ADAMTS14: variants seen among roughly 807,000 people sequenced by gnomAD.
ADAMTS14 encodes the protein ADAM metallopeptidase with thrombospondin type 1 motif 14.
In ADAMTS14, 100 loss-of-function variants were observed where a neutral mutation model predicts 128.6. The observed-to-expected ratio is 0.78, with a 90% CI of 0.66 to 0.92. The LOEUF is 0.92. ADAMTS14 is among the 40% of genes least tolerant of loss of function. The pLI, the probability that ADAMTS14 is intolerant of heterozygous loss-of-function variation, is 0.00. For missense variants in ADAMTS14, 1,562 were observed against 1,658.6 expected, an observed-to-expected ratio of 0.94 and a Z score of 1.01; for synonymous variants, 665 against 653.8, an observed-to-expected ratio of 1.02 and a Z score of -0.26.
At position 70,725,547 on chromosome 10, in the gene ADAMTS14, G is replaced by A. The variant is rs528909920; in HGVS notation, c.871-3747G>A. Reference sequence around the variant, plus strand: ...CCCGCCCACTTTCTGGTTCATAGATGGTGACTTCTCACTGTGTCCTCACAT... The same window carrying A: ...CCCGCCCACTTTCTGGTTCATAGATAGTGACTTCTCACTGTGTCCTCACAT... On this transcript the variant is annotated intron_variant, in intron 4 of 21. Coordinates refer to ENST00000373207, the MANE Select transcript of ADAMTS14 (RefSeq NM_080722.4). 1.6e-4 allele frequency among the ~76,000 whole-genome samples: 24 copies of A among 152,320 alleles called. 1 individual carries two copies. The South Asian group carries it at 4.8e-3, about 30-fold the overall frequency.
At chr10:70,672,972 G>T in intron 1 of ADAMTS14, 88 bp downstream of exon 1, 1 of 1,347,556 alleles carries the variant, frequency 7.4e-7, no homozygotes, top group Non-Finnish European at 9.5e-7. Context: ...CACCCGGGCA[G>T]GGTTCCCGCG....
intron 2 of ADAMTS14, among the ~76,000 whole-genome samples, chr10:70,683,176 G>C (rs1839865179): frequency 1.3e-5 from 2 of 152,222 alleles, no homozygotes; most frequent in Non-Finnish European, 2.9e-5. Flanking sequence ...ACTCTCCGTG[G>C]GCCGAGTGGG....
Position 70,672,684 on chromosome 10 carries a change from G to T in ADAMTS14, c.-119G>T, listed in dbSNP as rs1430780407. 2.3e-5 allele frequency: 16 copies of T among 704,160 alleles called. No homozygotes were observed. Among genetic ancestry groups the T allele is most frequent in the Non-Finnish European group, 3.0e-5 (16 of 533,642 alleles). 43.6% of individuals were successfully genotyped at this position (704,160 alleles called of 1,614,324 possible). ...GCAGCTAGGCGGGGAGGCGGCTGAG[G>T]CGGCAGCGGCGGCAGCCAGCCGGTG... On this transcript the variant is annotated 5_prime_UTR_variant, in exon 1 of 22. Coordinates refer to ENST00000373207, the MANE Select transcript of ADAMTS14 (RefSeq NM_080722.4).
chr10:70,674,705 C>A lies in ADAMTS14; in HGVS notation c.232C>A (p.Arg78=). The change falls in exon 2 of 22, where the codon CGA becomes AGA. Residue 78 remains arginine (R), a synonymous_variant. Transcript: ENST00000373207. ...AGTGGACACGCCACCCACACTACCA[C>A]GACACTCCAGTCACCTCCGGGTGGC... ...MVVDTPPTLP[R]HSSHLRVARS... is the part of the protein sequence containing the mutation. The A allele has an allele frequency of 6.2e-7, 1 of 1,613,570 alleles. No individual in the cohort carries two copies.
chr10:70,745,993 A>G (rs1030414993), intron 15 of ADAMTS14, among the ~76,000 whole-genome samples: 14 of 152,318 alleles, frequency 9.2e-5, no homozygotes, highest in African/African-American at 3.1e-4. Flanking sequence ...CTAGCGTCCC[A>G]TTAGTCCAAA....
At chr10:70,720,715 G>A (rs996126812) in intron 4 of ADAMTS14, among the ~76,000 whole-genome samples, 7 of 152,294 alleles carry the variant, frequency 4.6e-5, no homozygotes, top group South Asian at 4.1e-4. Context: ...ATGCACATGC[G>A]TGCACACATA....
chr10:70,699,334 A>G (rs1253656340), intron 2 of ADAMTS14, among the ~76,000 whole-genome samples: 2 of 152,212 alleles, frequency 1.3e-5, no homozygotes, highest in African/African-American at 4.8e-5. Flanking sequence ...GATAATATAT[A>G]AAAATATGAG....
intron 4 of ADAMTS14, among the ~76,000 whole-genome samples, chr10:70,728,927 C>A (rs1841529735): frequency 6.6e-6 from 1 of 152,172 alleles, no homozygotes; most frequent in Non-Finnish European, 1.5e-5. Context: ...GGGCGAGTGG[C>A]CTGTGGTTCC....
Position 70,752,240 on chromosome 10 carries a change from A to G in ADAMTS14, c.2729+13A>G, listed in dbSNP as rs761709149. Reference sequence around the variant, plus strand: ...GCTCTCAGCCTGTGTGAGTGCTCCCAGGGAGGGACGGGGAGTCTGGTTCTA... The same window carrying G: ...GCTCTCAGCCTGTGTGAGTGCTCCCGGGGAGGGACGGGGAGTCTGGTTCTA... On this transcript the variant is annotated intron_variant, in intron 18 of 21. Coordinates refer to ENST00000373207, the MANE Select transcript of ADAMTS14 (RefSeq NM_080722.4). 1 of 1,612,946 alleles carries G rather than the reference A, an allele frequency of 6.2e-7. No homozygotes were observed. The highest frequency in any genetic ancestry group is 8.5e-7 in the Non-Finnish European group (1 of 1,179,596).
chr10:70,734,930 G>A (rs1841776472), intron 8 of ADAMTS14, among the ~76,000 whole-genome samples: 1 of 152,184 alleles, frequency 6.6e-6, no homozygotes, highest in Non-Finnish European at 1.5e-5. Flanking sequence ...TCCCAGTCTG[G>A]GTACCCTTGC....
In ADAMTS14 at chr10:70,708,656, A is replaced by G. The variant is rs751886539; in HGVS notation, c.748A>G (p.Lys250Glu). The change falls in exon 4 of 22, where the codon AAG (lysine) becomes GAG (glutamate). Residue 250 changes from lysine (K) to glutamate (E), a missense_variant. Coordinates refer to ENST00000373207, the MANE Select transcript of ADAMTS14 (RefSeq NM_080722.4). ...GGACCAGCTGGGCGACACAGAGCGG[A>G]AGCGGCGGCATGCCAAGCCAGGCAG... Reference protein sequence around the residue: ...VGDQLGDTERKRRHAKPGSYS... With the variant: ...VGDQLGDTERERRHAKPGSYS... The G allele has an allele frequency of 6.2e-7, 1 of 1,613,432 alleles. No homozygotes were observed. The highest frequency in any genetic ancestry group is 8.5e-7 in the Non-Finnish European group (1 of 1,179,804).
rs373985454 is a variant in ADAMTS14, at chr10:70,734,043, C to A, written c.1352+15C>A. The A allele has an allele frequency of 1.6e-5, 25 of 1,609,608 alleles. No homozygotes were observed. Among genetic ancestry groups the A allele is most frequent in the Non-Finnish European group, 1.9e-5 (22 of 1,179,166 alleles). On this transcript the variant is annotated intron_variant, in intron 8 of 21. Coordinates refer to ENST00000373207, the MANE Select transcript of ADAMTS14 (RefSeq NM_080722.4). Reference sequence around the variant, plus strand: ...CGCTACCTCCCGTAGGTCATTCCTGCCCTCAGAGCTGGGATAGGGGAGCAT... The same window carrying A: ...CGCTACCTCCCGTAGGTCATTCCTGACCTCAGAGCTGGGATAGGGGAGCAT...
At chr10:70,708,880 C>A in intron 4 of ADAMTS14, 102 bp downstream of exon 4, 1 of 965,456 alleles carries the variant, frequency 1.0e-6, no homozygotes, top group Non-Finnish European at 1.4e-6. Context: ...GTTTCTGGGG[C>A]CTGGTATTTT....
At chr10:70,758,705 G>C (rs1401661936) in intron 21 of ADAMTS14, among the ~76,000 whole-genome samples, 4 of 152,156 alleles carry the variant, frequency 2.6e-5, no homozygotes, top group African/African-American at 9.7e-5. Context: ...TTTCAGACAA[G>C]CAATTGTAGA....
chr10:70,692,271 G>A (rs1349715171), intron 2 of ADAMTS14, among the ~76,000 whole-genome samples: 1 of 152,180 alleles, frequency 6.6e-6, no homozygotes, highest in African/African-American at 2.4e-5. Flanking sequence ...GCCAGGCGGA[G>A]GAGGGAAGTA....
At chr10:70,693,917 G>A (rs1442577768) in intron 2 of ADAMTS14, among the ~76,000 whole-genome samples, 33 of 152,236 alleles carry the variant, frequency 2.2e-4, no homozygotes, top group Admixed American at 2.2e-3. Flanking sequence ...CTGGTATGGG[G>A]TGCCGTGCAG....
chr10:70,682,018 C>T (rs1348184410), intron 2 of ADAMTS14, among the ~76,000 whole-genome samples: 2 of 152,264 alleles, frequency 1.3e-5, no homozygotes, highest in East Asian at 3.8e-4. Flanking sequence ...TCAGCCCCTT[C>T]CCTTGGCTGT....
intron 3 of ADAMTS14, among the ~76,000 whole-genome samples, chr10:70,707,226 T>C (rs1412402718): frequency 6.6e-6 from 1 of 152,230 alleles, no homozygotes; most frequent in African/African-American, 2.4e-5. Context: ...CTTTATCACC[T>C]ACCCACCGTC....
At chr10:70,707,708 G>A (rs753011739) in intron 3 of ADAMTS14, among the ~76,000 whole-genome samples, 75 of 152,220 alleles carry the variant, frequency 4.9e-4, no homozygotes, top group Non-Finnish European at 1.0e-3. Context: ...GTTCACCTGT[G>A]TAATGGGGAC....
Sources: gnomAD v4.1 joint callset for allele counts (sites outside exome capture counted in the v4.1 genomes callset) on GRCh38, gnomAD v4.1.1 for gene constraint, MANE v1.5 for transcripts, NCBI Gene and HGNC (gene_info 2026-07-23, HGNC 2026-07-21) for gene names.